Variants in STAU2 observed in about 807,000 individuals in gnomAD.
STAU2 encodes double-stranded RNA-binding protein Staufen homolog 2.
In STAU2, 20 loss-of-function variants were observed where a neutral mutation model predicts 65.9. The ratio of observed to expected loss-of-function variants is 0.30; its 90% confidence interval spans 0.21 to 0.44. The LOEUF (loss-of-function observed/expected upper bound fraction) is 0.44. Ranked by LOEUF, STAU2 falls within the 20% of genes least tolerant of loss-of-function variation. The pLI, the probability that STAU2 is intolerant of heterozygous loss-of-function variation, is 1.00. For missense variants in STAU2, 558 were observed against 683.9 expected, an observed-to-expected ratio of 0.82 and a Z score of 2.05; for synonymous variants, 232 against 233.9, an observed-to-expected ratio of 0.99 and a Z score of 0.07.
intron 6 of STAU2, chr8:73,653,015 T>TA (rs1328388341): frequency 6.6e-6 from 1 of 152,214 alleles, no homozygotes; most frequent in Non-Finnish European, 1.5e-5. Context: ...CTGCTACTCT[T>TA]ACTTTGCCCC....
chr8:73,492,523 A>G (rs187916897), intron 13 of STAU2, among the ~76,000 whole-genome samples: 53 of 151,968 alleles, frequency 3.5e-4, no homozygotes, highest in Non-Finnish European at 6.6e-4. Context: ...TTCAGAGTTA[A>G]AAATTAGGAA....
intron 6 of STAU2, among the ~76,000 whole-genome samples, chr8:73,618,113 A>G (rs1812973465): frequency 6.6e-6 from 1 of 152,246 alleles, no homozygotes; most frequent in Non-Finnish European, 1.5e-5. Flanking sequence ...AAGATATGTA[A>G]TAAAATCCAT....
chr8:73,649,869 T>TATA (rs1815708313), intron 6 of STAU2, among the ~76,000 whole-genome samples: 2 of 71,628 alleles, frequency 2.8e-5, no homozygotes, highest in East Asian at 5.1e-4. Flanking sequence ...CTATATAATT[T>TATA]TATATATATA....
chr8:73,561,663 C>A, intron 12 of STAU2: 1 of 388,188 alleles, frequency 2.6e-6, no homozygotes, highest in Non-Finnish European at 5.0e-6. Flanking sequence ...AAACACTGCA[C>A]CACAATACTC....
chr8:73,456,676 C>A (rs1002681874), intron 13 of STAU2, among the ~76,000 whole-genome samples: 3 of 152,192 alleles, frequency 2.0e-5, no homozygotes, highest in African/African-American at 7.2e-5. Flanking sequence ...GATAATTATT[C>A]TCTTCCTACC....
chr8:73,422,638 T>C lies in STAU2; in HGVS notation c.1595A>G (p.Asn532Ser), dbSNP rs537020282. 1 of 1,515,382 alleles carries C rather than the reference T, an allele frequency of 6.6e-7. No homozygotes were observed. Among genetic ancestry groups the C allele is most frequent in the Admixed American group, 2.2e-5 (1 of 45,426 alleles). 93.9% of individuals were successfully genotyped at this position (1,515,382 alleles called of 1,614,324 possible). A position where few individuals can be genotyped will look rare whatever the true frequency, so the allele number is the denominator to read the frequency against. Residue 532 changes from asparagine to serine, a missense_variant, in exon 14 of 15, where the codon AAT (asparagine) becomes AGT (serine). This residue lies in a region of STAU2 where 247 missense variants were observed against 270.1 expected (regional missense o/e 0.91). Coordinates refer to ENST00000524300, the MANE Select transcript of STAU2 (RefSeq NM_001164380.2). Reference sequence around the variant, plus strand: ...CTTTTCAAGAGAACCTTTTTCGATATTCATTGCTCCATCGATTGGATCCAG... The same window carrying C: ...CTTTTCAAGAGAACCTTTTTCGATACTCATTGCTCCATCGATTGGATCCAG... ...QGLDPIDGAM[N>S]IEKGSLEKQA...
At chr8:73,639,251 A>G (rs1814779494) in intron 6 of STAU2, among the ~76,000 whole-genome samples, 1 of 152,082 alleles carries the variant, frequency 6.6e-6, no homozygotes, top group Non-Finnish European at 1.5e-5. Context: ...AGTATATTTT[A>G]TTCAATTTAT....
chr8:73,723,898 A>C (rs185912251), intron 3 of STAU2, among the ~76,000 whole-genome samples: 33 of 152,380 alleles, frequency 2.2e-4, no homozygotes, highest in African/African-American at 7.5e-4. Context: ...ACTGAATGAC[A>C]TACCTTGTTA....
At chr8:73,742,814 G>A (rs1586397944) in intron 1 of STAU2, among the ~76,000 whole-genome samples, 1 of 152,160 alleles carries the variant, frequency 6.6e-6, no homozygotes, top group African/African-American at 2.4e-5. Flanking sequence ...CTTTAATTAT[G>A]AATTACATTT....
At chr8:73,747,246 G>T, upstream of STAU2, 1 of 980,384 alleles carries the variant, frequency 1.0e-6, no homozygotes, top group Admixed American at 2.7e-5. Context: ...CGTCCCCGGC[G>T]CGACTCCCCG....
chr8:73,672,886 G>A (rs994952156), intron 6 of STAU2: 22 of 275,896 alleles, frequency 8.0e-5, no homozygotes, highest in Non-Finnish European at 1.2e-4. Context: ...GATCTTTTAC[G>A]TTTGTGGGGT....
intron 6 of STAU2, among the ~76,000 whole-genome samples, chr8:73,630,056 G>C (rs1430599043): frequency 1.3e-5 from 2 of 152,128 alleles, no homozygotes; most frequent in East Asian, 3.8e-4. Context: ...AAATAGTACA[G>C]TACTTGGAAC....
chr8:73,630,790 T>C (rs892343872), intron 6 of STAU2, among the ~76,000 whole-genome samples: 13 of 152,072 alleles, frequency 8.5e-5, no homozygotes, highest in African/African-American at 2.9e-4. Context: ...CAGGAAATCA[T>C]AGTTGTTGGC....
intron 4 of STAU2, among the ~76,000 whole-genome samples, chr8:73,694,295 G>A (rs112007168): frequency 0.015 from 2,254 of 152,128 alleles, 28 homozygotes; most frequent in Non-Finnish European, 0.024. Flanking sequence ...AAATCACCAA[G>A]AATATAGTAC....
At chr8:73,535,121 T>C (rs1322690898) in intron 13 of STAU2, among the ~76,000 whole-genome samples, 1 of 152,156 alleles carries the variant, frequency 6.6e-6, no homozygotes, top group African/African-American at 2.4e-5. Context: ...ATAATAACAT[T>C]CTTACTGTAA....
intron 1 of STAU2, among the ~76,000 whole-genome samples, chr8:73,746,251 C>T (rs1230723133): frequency 6.6e-6 from 1 of 151,918 alleles, no homozygotes; most frequent in African/African-American, 2.4e-5. Context: ...CCGGCCCCGC[C>T]GCTCCGCCTC....
rs71269928 is a variant in STAU2, at chr8:73,654,637, CAAAAAAAAAAA to C, written c.410+18459_410+18469del. Among the ~76,000 whole-genome samples, 8 of 26,308 alleles carry C rather than the reference CAAAAAAAAAAA, an allele frequency of 3.0e-4. No homozygotes were observed. The South Asian group carries it at 0.017, about 56-fold the overall frequency. 17.3% of individuals were successfully genotyped at this position (26,308 alleles called of 152,430 possible). ...CCTAGATGACAGAACAAGATTGTCT[CAAAAAAAAAAA>C]AAAAAAAAAAAAAGAACTCTTTTAA... On this transcript the variant is annotated intron_variant, in intron 6 of 14. Transcript: ENST00000524300.
At chr8:73,669,210 A>G in intron 6 of STAU2, 1 of 657,378 alleles carries the variant, frequency 1.5e-6, no homozygotes, top group Non-Finnish European at 2.7e-6. Flanking sequence ...TTCAGTTGAA[A>G]CATGGCTTGG....
intron 6 of STAU2, among the ~76,000 whole-genome samples, chr8:73,619,672 G>C (rs1397401547): frequency 6.6e-6 from 1 of 152,170 alleles, no homozygotes; most frequent in Non-Finnish European, 1.5e-5. Flanking sequence ...CACCTGGAAA[G>C]GGTAAGTGTA....
Sources: allele counts gnomAD v4.1 joint callset (sites outside exome capture counted in the v4.1 genomes callset), GRCh38; gene constraint gnomAD v4.1.1; regional missense constraint gnomAD v4.1.1; transcripts MANE v1.5; gene names NCBI Gene and HGNC (gene_info 2026-07-23, HGNC 2026-07-21).